Variants in C11orf65 observed in about 807,000 individuals in gnomAD.
The protein encoded by C11orf65 is chromosome 11 open reading frame 65, also known as protein MFI.
Under a neutral mutation model 35.3 loss-of-function variants are expected in C11orf65, and 38 were observed. The observed-to-expected ratio is 1.08, with a 90% CI of 0.83 to 1.41. The LOEUF is 1.41. Among genes scored for constraint, C11orf65 ranks in the 40% most tolerant of loss-of-function variants. C11orf65 has a pLI of 0.00. For missense variants in C11orf65, 370 were observed against 367.1 expected (o/e 1.01, Z -0.06); for synonymous variants, 105 against 114.4 (o/e 0.92, Z 0.53).
In C11orf65 at chr11:108,427,401, A is replaced by C. The variant is rs148258218; in HGVS notation, c.174+4345T>G. On this transcript the variant is annotated intron_variant, in intron 3 of 8. Coordinates refer to ENST00000393084, the MANE Select transcript of C11orf65 (RefSeq NM_152587.5). Reference sequence around the variant, plus strand: ...ATATGAACAGATGCTTCTCAAAAGAAGACAATTATGTGGTCAACAAACATA... The same window carrying C: ...ATATGAACAGATGCTTCTCAAAAGACGACAATTATGTGGTCAACAAACATA... Among the ~76,000 whole-genome samples the C allele has an allele frequency of 1.4e-4, 21 of 149,668 alleles. No individual in the cohort carries two copies. The East Asian group carries it at 3.3e-3, about 24-fold the overall frequency.
At chr11:108,376,957 A>G (rs1290934006) in intron 2 of C11orf65, among the ~76,000 whole-genome samples, 2 of 152,106 alleles carry the variant, frequency 1.3e-5, no homozygotes, top group African/African-American at 4.8e-5. Context: ...GAATAGACCA[A>G]TAACAGGATC....
intron 2 of C11orf65, among the ~76,000 whole-genome samples, chr11:108,349,480 T>G (rs1224378228): frequency 6.6e-6 from 1 of 152,094 alleles, no homozygotes; most frequent in Admixed American, 6.6e-5. Context: ...CTGGCCAACA[T>G]GGTGAAACCC....
At chr11:108,424,699 CAA>C (rs1251504600) in intron 3 of C11orf65, among the ~76,000 whole-genome samples, 1 of 152,188 alleles carries the variant, frequency 6.6e-6, no homozygotes, top group Non-Finnish European at 1.5e-5. Flanking sequence ...CCCAAAGCAA[CAA>C]AAGATACATT....
At chr11:108,417,572 A>C (rs1449484422) in intron 3 of C11orf65, among the ~76,000 whole-genome samples, 5 of 152,018 alleles carry the variant, frequency 3.3e-5, no homozygotes, top group Non-Finnish European at 7.4e-5. Flanking sequence ...AACAAACAAA[A>C]AAAAACCTGC....
chr11:108,412,470 T>C (rs1275881452), intron 3 of C11orf65, among the ~76,000 whole-genome samples: 3 of 152,194 alleles, frequency 2.0e-5, no homozygotes, highest in Non-Finnish European at 4.4e-5. Flanking sequence ...CCCAACTATA[T>C]GTTATCCACA....
chr11:108,332,628 G>GT (rs2086384773), intron 3 of C11orf65: 3 of 966,316 alleles, frequency 3.1e-6, no homozygotes, highest in Non-Finnish European at 4.6e-6. Flanking sequence ...TGTTTTGTTT[G>GT]TATCTGAGGA....
rs1167538296 is a variant in C11orf65 at position 108,408,086 on chromosome 11, T to C, written c.175-937A>G. Among the ~76,000 whole-genome samples the C allele has an allele frequency of 3.3e-5, 5 of 150,878 alleles. No homozygotes were observed. In the South Asian group the frequency reaches 6.2e-4, roughly 19 times the overall value. On this transcript the variant is annotated intron_variant, in intron 3 of 8. Coordinates refer to ENST00000393084, the MANE Select transcript of C11orf65 (RefSeq NM_152587.5). ...GTGCACAATGTGCAGGTTAGTTACA[T>C]AGGTATACATGTGCCATGCTGGTGC... is the stretch of plus-strand genomic sequence containing the variant.
intron 2 of C11orf65, among the ~76,000 whole-genome samples, chr11:108,432,356 A>G (rs2093001910): frequency 6.6e-6 from 1 of 152,248 alleles, no homozygotes; most frequent in East Asian, 1.9e-4. Context: ...GCTTTCTGAC[A>G]CAAGAAAACA....
intron 2 of C11orf65, among the ~76,000 whole-genome samples, chr11:108,362,561 A>T: frequency 6.8e-6 from 1 of 146,880 alleles, no homozygotes; most frequent in African/African-American, 2.7e-5. Flanking sequence ...AATGTCCAAC[A>T]ATGATAGACT....
intron 3 of C11orf65, chr11:108,332,827 A>T (rs1565536250): frequency 6.2e-7 from 1 of 1,613,424 alleles, no homozygotes; most frequent in Non-Finnish European, 8.5e-7. Flanking sequence ...AGATGGTCAG[A>T]AGTGTTGAGG....
intron 2 of C11orf65, among the ~76,000 whole-genome samples, chr11:108,350,675 C>A (rs973437897): frequency 6.6e-6 from 1 of 152,066 alleles, no homozygotes; most frequent in Admixed American, 6.5e-5. Flanking sequence ...ACAGAGTAAA[C>A]GTGAAGATGG....
chr11:108,383,474 AT>A (rs894109817), intron 8 of C11orf65, among the ~76,000 whole-genome samples: 3 of 152,202 alleles, frequency 2.0e-5, no homozygotes, highest in African/African-American at 7.2e-5. Flanking sequence ...CATCTGTAAA[AT>A]GGGGATAATA....
intron 2 of C11orf65, among the ~76,000 whole-genome samples, chr11:108,460,281 A>G (rs1371755722): frequency 6.6e-6 from 1 of 152,198 alleles, no homozygotes; most frequent in Non-Finnish European, 1.5e-5. Context: ...AAACAGAGCC[A>G]TATTACTTCA....
chr11:108,327,821 C>T, downstream of C11orf65: 1 of 1,207,202 alleles, frequency 8.3e-7, no homozygotes, highest in Non-Finnish European at 1.2e-6. Context: ...ATCTTTTCAT[C>T]AAGATCAATA....
intron 3 of C11orf65, among the ~76,000 whole-genome samples, chr11:108,423,526 C>A (rs1487902400): frequency 6.6e-6 from 1 of 152,176 alleles, no homozygotes; most frequent in East Asian, 1.9e-4. Context: ...CTGAAGAGAG[C>A]AGCAGATCTC....
At chr11:108,402,204 G>T (rs2092451564) in intron 6 of C11orf65, among the ~76,000 whole-genome samples, 1 of 152,184 alleles carries the variant, frequency 6.6e-6, no homozygotes, top group Admixed American at 6.5e-5. Context: ...TGGCAACTGT[G>T]CCAGTGCAGT....
intron 7 of C11orf65, among the ~76,000 whole-genome samples, chr11:108,392,475 T>C (rs980057821): frequency 4.6e-5 from 7 of 152,362 alleles, no homozygotes; most frequent in South Asian, 2.1e-4. Flanking sequence ...TGAACATTTA[T>C]GCACAGGTTT....
intron 2 of C11orf65, among the ~76,000 whole-genome samples, chr11:108,337,821 T>C (rs1200703966): frequency 6.6e-6 from 1 of 152,208 alleles, no homozygotes; most frequent in Non-Finnish European, 1.5e-5. Context: ...AGGTGAAGAA[T>C]TGGGTTACAA....
At chr11:108,409,415 T>C (rs993700918) in intron 3 of C11orf65, among the ~76,000 whole-genome samples, 1 of 152,194 alleles carries the variant, frequency 6.6e-6, no homozygotes, top group Non-Finnish European at 1.5e-5. Flanking sequence ...AGTATACAGA[T>C]GGCCCCGACT....
Sources: allele counts gnomAD v4.1 joint callset (sites outside exome capture counted in the v4.1 genomes callset), GRCh38; gene constraint gnomAD v4.1.1; transcripts MANE v1.5; gene names NCBI Gene and HGNC (gene_info 2026-07-23, HGNC 2026-07-21).